TRIO: variants seen among roughly 807,000 people sequenced by gnomAD.
TRIO encodes triple functional domain protein.
In TRIO, 58 loss-of-function variants were observed where a neutral mutation model predicts 351.9. The ratio of observed to expected loss-of-function variants is 0.16; its 90% CI spans 0.13 to 0.21. The LOEUF (loss-of-function observed/expected upper bound fraction) is 0.21, where lower values mean the gene tolerates loss of function less well. TRIO is among the 10% of genes least tolerant of loss of function. The probability of loss-of-function intolerance (pLI) is 1.00; values close to 1 mark genes in which losing one functional copy is unlikely to be tolerated. For missense variants in TRIO, 3,201 were observed against 4,027.8 expected (o/e 0.79, Z 5.56); for synonymous variants, 1,758 against 1,595.7 (o/e 1.10, Z -2.42).
intron 48 of TRIO, 137 bp downstream of exon 48, chr5:14,488,397 G>C: frequency 7.5e-7 from 1 of 1,341,838 alleles, no homozygotes; most frequent in Non-Finnish European, 9.9e-7. Context: ...CCTGGGACCA[G>C]GCTAACCCTC....
At chr5:14,355,168 T>G (rs534012526) in intron 11 of TRIO, among the ~76,000 whole-genome samples, 1 of 152,316 alleles carries the variant, frequency 6.6e-6, no homozygotes, top group African/African-American at 2.4e-5. Flanking sequence ...GTTACCATCT[T>G]AAGTAGAAAT....
In TRIO at chr5:14,479,833, TGTA is replaced by T. The variant is rs1472466092; in HGVS notation, c.6244-83_6244-81del. The stretch of plus-strand genomic sequence containing the variant: ...TCCTCGTTACTTTTACTGCCAGTGT[TGTA>T]GTCTTTCTGACAATTACAAAGACTA... On this transcript the variant is annotated intron_variant, in intron 42 of 56. Transcript: ENST00000344204. The T allele has an allele frequency of 2.1e-4, 260 of 1,211,356 alleles. 1 individual carries two copies. The highest frequency in any genetic ancestry group is 3.8e-4 in the Middle Eastern group (2 of 5,260). The allele number at this position is 1,211,356 out of a possible 1,614,324, so 75.0% of individuals were successfully genotyped here.
chr5:14,384,559 G>A (rs1746379493), intron 21 of TRIO, among the ~76,000 whole-genome samples: 1 of 151,880 alleles, frequency 6.6e-6, no homozygotes, highest in African/African-American at 2.4e-5. Context: ...TTTTTTTAAT[G>A]ATGTTTTCCA....
At chr5:14,237,078 G>A (rs938296971) in intron 1 of TRIO, among the ~76,000 whole-genome samples, 5 of 152,184 alleles carry the variant, frequency 3.3e-5, no homozygotes, top group Admixed American at 3.3e-4. Context: ...AAGGAAGCAG[G>A]AGTTATTTTG....
intron 34 of TRIO, among the ~76,000 whole-genome samples, chr5:14,423,890 T>C (rs993138510): frequency 2.6e-5 from 4 of 151,412 alleles, no homozygotes; most frequent in Non-Finnish European, 5.9e-5. Flanking sequence ...CCATTCGAAG[T>C]TGAATCTGGA....
intron 1 of TRIO, among the ~76,000 whole-genome samples, chr5:14,164,245 A>G (rs1314248484): frequency 6.6e-6 from 1 of 152,258 alleles, no homozygotes; most frequent in African/African-American, 2.4e-5. Flanking sequence ...AGCATCTGAA[A>G]AACAGTCTTA....
chr5:14,452,572 A>C lies in TRIO; in HGVS notation c.5204-8447A>C, dbSNP rs374058388. Among the ~76,000 whole-genome samples the C allele has an allele frequency of 1.2e-3, 188 of 152,348 alleles. 1 individual carries two copies. The highest frequency in any genetic ancestry group is 4.1e-3 in the African/African-American group (172 of 41,586). ...CACCAGGCAAATACCTATTGAACAC[A>C]TGCATGTGCCAGGCAGACTTTAAAC... On this transcript the variant is annotated intron_variant, in intron 34 of 56. Transcript: ENST00000344204.
rs372584757 is a variant in TRIO at position 14,456,623 on chromosome 5, AC to A, written c.5204-4394del. Among the ~76,000 whole-genome samples, 23 of 152,254 alleles carry A rather than the reference AC, an allele frequency of 1.5e-4. No individual in the cohort carries two copies. In the East Asian group the frequency reaches 3.1e-3, roughly 20 times the overall value. On this transcript the variant is annotated intron_variant, in intron 34 of 56. Transcript: ENST00000344204. ...TGCTCCTGTGTTCACAGCCATCAGGACCTCTTCTGGGGAAAGGCAACTGTGT... is the reference window on the plus strand; with the variant it reads ...TGCTCCTGTGTTCACAGCCATCAGGACTCTTCTGGGGAAAGGCAACTGTGT...
chr5:14,367,801 T>C lies in TRIO; in HGVS notation c.2874+822T>C, dbSNP rs114016099. Reference sequence around the variant, plus strand: ...CTGGATTAATTTATTGTCAACTGTTTGGTGCCATTGGACATGCATTAACAC... The same window carrying C: ...CTGGATTAATTTATTGTCAACTGTTCGGTGCCATTGGACATGCATTAACAC... On this transcript the variant is annotated intron_variant, in intron 16 of 56. Transcript: ENST00000344204. Among the ~76,000 whole-genome samples, 864 of 152,334 alleles carry C rather than the reference T, an allele frequency of 5.7e-3. 7 individuals are homozygous for C. Among genetic ancestry groups the C allele is most frequent in the African/African-American group, 0.019 (790 of 41,584 alleles).
Position 14,399,053 on chromosome 5 carries a change from T to C in TRIO, c.4597T>C (p.Tyr1533His), listed in dbSNP as rs1402288721. 1.2e-6 allele frequency: 2 copies of C among 1,614,012 alleles called. No individual in the cohort carries two copies. Among genetic ancestry groups the C allele is most frequent in the South Asian group, 2.2e-5 (2 of 91,086 alleles). The part of the protein sequence containing the change: ...KDSSGRSKYL[Y>H]KSKLFTSELG... ...TTCCAGTGGGAGAAGCAAGTACCTTTATAAAAGCAAATTGTTTGTAAGTAT... is the reference window on the plus strand; with the variant it reads ...TTCCAGTGGGAGAAGCAAGTACCTTCATAAAAGCAAATTGTTTGTAAGTAT... The change falls in exon 30 of 57, where the codon TAT (tyrosine) becomes CAT (histidine). Residue 1533 changes from tyrosine to histidine, a missense_variant. Physicochemically the swap from Tyr to His is moderately conservative, Grantham distance 83. Coordinates refer to ENST00000344204, the MANE Select transcript of TRIO (RefSeq NM_007118.4).
At position 14,497,571 on chromosome 5, in the gene TRIO, G is replaced by A. The variant is rs1467531453; in HGVS notation, c.8020-276G>A. Among the ~76,000 whole-genome samples the A allele has an allele frequency of 2.0e-5, 3 of 152,168 alleles. No homozygotes were observed. The highest frequency in any genetic ancestry group is 4.4e-5 in the Non-Finnish European group (3 of 68,034). On this transcript the variant is annotated intron_variant, in intron 50 of 56. Coordinates refer to ENST00000344204, the MANE Select transcript of TRIO (RefSeq NM_007118.4). This position sits in a 1 kb window ranked among gnomAD's most constrained non-coding sequence, Gnocchi z 4.4. Reference sequence around the variant, plus strand: ...CCAGGGCGTTGGCGGCTCTGCATTAGGAACGCATCTGAGGACCAGCTGGAC... The same window carrying A: ...CCAGGGCGTTGGCGGCTCTGCATTAAGAACGCATCTGAGGACCAGCTGGAC...
intron 37 of TRIO, among the ~76,000 whole-genome samples, chr5:14,469,965 G>A (rs1048612785): frequency 1.3e-5 from 2 of 152,158 alleles, no homozygotes; most frequent in Non-Finnish European, 2.9e-5. Flanking sequence ...GGTGGGGGAT[G>A]GGGGGTACAG....
chr5:14,148,403 CTA>C (rs770833310), intron 1 of TRIO, among the ~76,000 whole-genome samples: 30 of 151,902 alleles, frequency 2.0e-4, no homozygotes, highest in Non-Finnish European at 3.4e-4. Context: ...ATTTACTTGA[CTA>C]TCGAGAAAAT....
chr5:14,494,284 C>G (rs903837469), intron 49 of TRIO, among the ~76,000 whole-genome samples: 1 of 152,172 alleles, frequency 6.6e-6, no homozygotes, highest in African/African-American at 2.4e-5. Context: ...CTTCATCCCC[C>G]TGGAATGCCT....
chr5:14,483,293 C>G (rs1387550566), intron 46 of TRIO, among the ~76,000 whole-genome samples: 1 of 152,176 alleles, frequency 6.6e-6, no homozygotes, highest in Non-Finnish European at 1.5e-5. Flanking sequence ...CAATGGCCCT[C>G]AAGTCTGTAA....
intron 2 of TRIO, 73 bp from the exon 3 acceptor site, chr5:14,280,249 G>T: frequency 7.0e-7 from 1 of 1,422,798 alleles, no homozygotes; most frequent in Non-Finnish European, 9.9e-7. Flanking sequence ...AATTTTGACA[G>T]AGTGAATGGA....
intron 21 of TRIO, 52 bp from the exon 22 acceptor site, chr5:14,387,386 T>G: frequency 1.3e-6 from 2 of 1,542,248 alleles, no homozygotes; most frequent in Non-Finnish European, 1.8e-6. Context: ...GTTTGAGGTT[T>G]CTGGCAGTCG....
chr5:14,446,044 G>A (rs941033114), intron 34 of TRIO, among the ~76,000 whole-genome samples: 1 of 152,182 alleles, frequency 6.6e-6, no homozygotes. Context: ...CAAGATCCGT[G>A]CTGTTAATTG....
intron 6 of TRIO, among the ~76,000 whole-genome samples, chr5:14,295,448 A>G (rs1290984100): frequency 6.6e-6 from 1 of 152,184 alleles, no homozygotes; most frequent in African/African-American, 2.4e-5. Context: ...TCATACATAG[A>G]CTAGTAAAGT....
Sources: gnomAD v4.1 joint callset for allele counts (sites outside exome capture counted in the v4.1 genomes callset) on GRCh38, gnomAD v4.1.1 for gene constraint, Gnocchi (gnomAD v3.1) non-coding constraint, MANE v1.5 for transcripts, NCBI Gene and HGNC (gene_info 2026-07-23, HGNC 2026-07-21) for gene names.